PRRC2C: variants seen among roughly 807,000 people sequenced by gnomAD.
PRRC2C encodes the protein proline rich coiled-coil 2C.
A neutral mutation model predicts 317.2 loss-of-function variants in PRRC2C; 72 were observed. The ratio of observed to expected loss-of-function variants is 0.23; its 90% CI spans 0.19 to 0.28. PRRC2C has a LOEUF of 0.28. Ranked by LOEUF, PRRC2C falls within the 10% of genes least tolerant of loss-of-function variation. PRRC2C has a pLI of 1.00. For missense variants in PRRC2C, 3,074 were observed against 3,459.7 expected, an observed-to-expected ratio of 0.89 and a Z score of 2.80; for synonymous variants, 1,296 against 1,205.9, an observed-to-expected ratio of 1.07 and a Z score of -1.55.
intron 20 of PRRC2C, among the ~76,000 whole-genome samples, chr1:171,565,972 T>C (rs1445759370): frequency 2.6e-5 from 4 of 152,246 alleles, no homozygotes; most frequent in Non-Finnish European, 5.9e-5. Context: ...AACTTGAAGC[T>C]GTGCTTTGCC....
intron 18 of PRRC2C, among the ~76,000 whole-genome samples, chr1:171,550,466 CTT>C (rs11299449): frequency 2.4e-3 from 349 of 145,666 alleles, no homozygotes; most frequent in Middle Eastern, 3.6e-3. Context: ...CAAAGACCAT[CTT>C]TTTTTTTTTT....
In PRRC2C at chr1:171,513,427, C is replaced by T. The variant is rs147054980; in HGVS notation, c.290+255C>T. The stretch of plus-strand genomic sequence containing the variant: ...ATGTCATAGCCTTTATTAGGCTCCC[C>T]GCTTTCATACTACCACCAACTCAGG... On this transcript the variant is annotated intron_variant, in intron 3 of 34. Coordinates refer to ENST00000647382, the MANE Select transcript of PRRC2C (RefSeq NM_001387844.1). 9.7e-4 allele frequency: 544 copies of T among 558,612 alleles called. 2 individuals carry two copies. The highest frequency in any genetic ancestry group is 7.9e-3 in the African/African-American group (425 of 53,920). The allele number at this position is 558,612 out of a possible 1,614,324, so 34.6% of individuals were successfully genotyped here. A position where few individuals can be genotyped will look rare whatever the true frequency, so the allele number is the denominator to read the frequency against.
At chr1:171,531,702 T>C (rs551166887) in intron 11 of PRRC2C, among the ~76,000 whole-genome samples, 8 of 152,252 alleles carry the variant, frequency 5.3e-5, no homozygotes, top group African/African-American at 4.8e-5. Flanking sequence ...AATTTAGTCA[T>C]TGAAACTTGG....
chr1:171,561,088 A>T lies in PRRC2C; in HGVS notation c.6102A>T (p.Ser2034=), dbSNP rs1682594750. ...ATAAGCCCTTAACATCGTTTGGATC[A>T]GCTCCTTCATCAGAGGTAAGAATAG... ...AWNKPLTSFG[S]APSSEGAKNG... is the part of the protein sequence containing the mutation. The change falls in exon 20 of 35, where the codon TCA becomes TCT. Residue 2034 remains serine, a synonymous_variant. Coordinates refer to ENST00000647382, the MANE Select transcript of PRRC2C (RefSeq NM_001387844.1). 1 of 1,600,250 alleles carries T rather than the reference A, an allele frequency of 6.2e-7. No individual in the cohort carries two copies. The highest frequency in any genetic ancestry group is 1.7e-5 in the Admixed American group (1 of 59,984).
At chr1:171,572,198 C>G (rs1253855613) in intron 24 of PRRC2C, among the ~76,000 whole-genome samples, 2 of 151,850 alleles carry the variant, frequency 1.3e-5, no homozygotes. Flanking sequence ...CCATGTTGCC[C>G]AGGTTGGTTT....
At chr1:171,511,904 T>C in intron 1 of PRRC2C, 128 bp from the exon 2 acceptor site, 1 of 461,568 alleles carries the variant, frequency 2.2e-6, no homozygotes, top group Non-Finnish European at 4.1e-6. Context: ...GTATTGGTTA[T>C]TGGAATTTGA....
At chr1:171,520,312 A>C (rs977449526) in intron 6 of PRRC2C, among the ~76,000 whole-genome samples, 1 of 152,130 alleles carries the variant, frequency 6.6e-6, no homozygotes, top group African/African-American at 2.4e-5. Context: ...CCTGGCCTTG[A>C]AAAATGATTT....
In PRRC2C at chr1:171,569,554, C is replaced by G. The variant is rs1209254276; in HGVS notation, c.6651+1215C>G. On this transcript the variant is annotated intron_variant, in intron 23 of 34. Transcript: ENST00000647382. ...TTCAACTTTCCTCCCACCCACCCCC[C>G]ACTTTTATGAAAGTGGTTTAAATAT... Among the ~76,000 whole-genome samples, 3 of 76,120 alleles carry G rather than the reference C, an allele frequency of 3.9e-5. No individual in the cohort carries two copies. The Admixed American group carries it at 4.2e-4, about 11-fold the overall frequency. The allele number at this position is 76,120 out of a possible 152,430, so 49.9% of individuals were successfully genotyped here.
At chr1:171,497,930 T>C (rs1668422493) in intron 1 of PRRC2C, among the ~76,000 whole-genome samples, 1 of 151,104 alleles carries the variant, frequency 6.6e-6, no homozygotes, top group South Asian at 2.1e-4. Context: ...GCCTCCCATC[T>C]TGGCCTGCCA....
chr1:171,510,657 TGTAGTCCTATTG>T (rs1208593905), intron 1 of PRRC2C: 5 of 152,328 alleles, frequency 3.3e-5, no homozygotes, highest in African/African-American at 1.2e-4. Flanking sequence ...ATTGTATTAG[TGTAGTCCTATTG>T]GTTGTAGGTC....
chr1:171,515,914 C>G (rs546320607), intron 5 of PRRC2C, 55 bp downstream of exon 5: 2 of 1,499,288 alleles, frequency 1.3e-6, no homozygotes, highest in South Asian at 1.4e-5. Flanking sequence ...TATTATCTTG[C>G]AATACAACCT....
chr1:171,524,914 C>G lies in PRRC2C; in HGVS notation c.1149C>G (p.Ala383=). 6.2e-7 allele frequency: 1 copy of G among 1,611,504 alleles called. No individual in the cohort carries two copies. The highest frequency in any genetic ancestry group is 8.5e-7 in the Non-Finnish European group (1 of 1,178,628). ...SNTKSSSQIP[A]QPSVAKVPYG... is the part of the protein sequence containing the mutation. ...CTAAATCATCTTCCCAAATACCTGCCCAACCATCAGTAGCAAAAGTTCCCT... is the reference window on the plus strand; with the variant it reads ...CTAAATCATCTTCCCAAATACCTGCGCAACCATCAGTAGCAAAAGTTCCCT... Residue 383 remains alanine, a synonymous_variant, in exon 10 of 35, where the codon GCC becomes GCG. Coordinates refer to ENST00000647382, the MANE Select transcript of PRRC2C (RefSeq NM_001387844.1).
rs1427651825 is a variant in PRRC2C at position 171,545,673 on chromosome 1, T to G, written c.4958T>G (p.Leu1653Arg). The G allele has an allele frequency of 6.4e-7, 1 of 1,561,112 alleles. No homozygotes were observed. The highest frequency in any genetic ancestry group is 8.7e-7 in the Non-Finnish European group (1 of 1,152,144). ...GTGGATGCTCTATCACAGTTTGATC[T>G]CAACAATTATGCAAGTATGTCTTAG... The part of the protein sequence containing the change: ...EKVDALSQFD[L>R]NNYASVVIID... Residue 1653 changes from leucine (L) to arginine (R), a missense_variant, in exon 17 of 35, where the codon CTC becomes CGC. By Grantham distance (102) the Leu-to-Arg change is moderately radical (BLOSUM62 -2). Coordinates refer to ENST00000647382, the MANE Select transcript of PRRC2C (RefSeq NM_001387844.1).
Position 171,558,005 on chromosome 1 carries a change from G to T in PRRC2C, c.5893G>T (p.Ala1965Ser). 1 of 1,613,934 alleles carries T rather than the reference G, an allele frequency of 6.2e-7. No individual in the cohort carries two copies. The highest frequency in any genetic ancestry group is 8.5e-7 in the Non-Finnish European group (1 of 1,179,898). ...QPPPSIRLPS[A>S]QTPNGTDYVA... ...ACCACCATCAATTAGGCTGCCTTCA[G>T]CTCAAACACCTAATGGCACAGATTA... Residue 1965 changes from alanine (A) to serine (S), a missense_variant, in exon 19 of 35, where the codon GCT becomes TCT. Ala to Ser is a moderately conservative substitution (Grantham distance 99). This residue lies in a region of PRRC2C where 640 missense variants were observed against 676.1 expected (regional missense o/e 0.95). Coordinates refer to ENST00000647382, the MANE Select transcript of PRRC2C (RefSeq NM_001387844.1).
chr1:171,584,350 A>T, intron 29 of PRRC2C, 69 bp from the exon 30 acceptor site: 1 of 1,433,154 alleles, frequency 7.0e-7, no homozygotes, highest in East Asian at 2.4e-5. Flanking sequence ...CTTTGAAGTC[A>T]TAATCTCCAC....
chr1:171,563,237 C>T (rs1683025491), intron 20 of PRRC2C, among the ~76,000 whole-genome samples: 1 of 152,150 alleles, frequency 6.6e-6, no homozygotes, highest in African/African-American at 2.4e-5. Flanking sequence ...CAGGGATGCT[C>T]AAGTCTCATA....
In PRRC2C at chr1:171,496,199, CTTTTT is replaced by C. The variant is rs528654548; in HGVS notation, c.-58+10484_-58+10488del. Reference sequence around the variant, plus strand: ...ATTTTTAGAGCTTTGATTTTTGTGCCTTTTTTTTTTTTTTTTTTTTTTTTGCAGGG... The same window carrying C: ...ATTTTTAGAGCTTTGATTTTTGTGCCTTTTTTTTTTTTTTTTTTTGCAGGG... On this transcript the variant is annotated intron_variant, in intron 1 of 34. Coordinates refer to ENST00000647382, the MANE Select transcript of PRRC2C (RefSeq NM_001387844.1). Among the ~76,000 whole-genome samples the C allele has an allele frequency of 1.1e-4, 8 of 75,660 alleles. No homozygotes were observed. In the East Asian group the frequency reaches 1.8e-3, roughly 17 times the overall value. 49.6% of individuals were successfully genotyped at this position (75,660 alleles called of 152,430 possible).
intron 26 of PRRC2C, 140 bp from the exon 27 acceptor site, chr1:171,579,214 G>T: frequency 8.5e-7 from 1 of 1,182,660 alleles, no homozygotes; most frequent in Non-Finnish European, 1.1e-6. Flanking sequence ...ATCTTGTCAC[G>T]TTTTTAGTTT....
In PRRC2C at chr1:171,540,103, A is replaced by C. The variant is rs1388092633; in HGVS notation, c.2637A>C (p.Arg879Ser). The C allele has an allele frequency of 1.2e-6, 2 of 1,613,862 alleles. No individual in the cohort carries two copies. Among genetic ancestry groups the C allele is most frequent in the South Asian group, 1.1e-5 (1 of 91,090 alleles). Residue 879 changes from arginine to serine, a missense_variant, in exon 16 of 35, where the codon AGA becomes AGC. By Grantham distance (110) the Arg-to-Ser change is moderately radical. Around this residue, in one of 11 missense-constraint regions of PRRC2C, gnomAD observed 1,320 missense variants for 1,395.7 expected, o/e 0.95. Transcript: ENST00000647382. ...SEAQVQKFLS[R>S]SVEDVRPHHT... ...CACAAGTACAAAAGTTTTTAAGCAG[A>C]TCTGTGGAAGATGTTAGACCTCACC...
Sources: allele counts gnomAD v4.1 joint callset (sites outside exome capture counted in the v4.1 genomes callset), GRCh38; gene constraint gnomAD v4.1.1; regional missense constraint gnomAD v4.1.1; transcripts MANE v1.5; gene names NCBI Gene and HGNC (gene_info 2026-07-23, HGNC 2026-07-21).